The following PRKG1 variants were observed in gnomAD, a reference collection of about 807,000 sequenced individuals.
PRKG1 encodes the protein protein kinase cGMP-dependent 1, also known as cGMP-dependent protein kinase 1.
Under a neutral mutation model 88.1 loss-of-function variants are expected in PRKG1, and 35 were observed. The observed-to-expected ratio is 0.40, with a 90% CI of 0.30 to 0.53. PRKG1 has a LOEUF of 0.53. Ranked by LOEUF, PRKG1 falls within the 20% of genes least tolerant of loss-of-function variation. PRKG1 has a pLI of 0.59. For synonymous variants in PRKG1, 303 were observed against 292.5 expected (o/e 1.04, Z -0.37); for missense variants, 540 against 839.8 (o/e 0.64, Z 4.41).
At chr10:51,505,619 TA>T (rs1841176103) in intron 3 of PRKG1, among the ~76,000 whole-genome samples, 1 of 152,132 alleles carries the variant, frequency 6.6e-6, no homozygotes, top group Admixed American at 6.6e-5. Context: ...TTTTGGTTGG[TA>T]AGCTATTAAT....
At chr10:51,957,947 T>A (rs1843353231) in intron 5 of PRKG1, among the ~76,000 whole-genome samples, 1 of 152,166 alleles carries the variant, frequency 6.6e-6, no homozygotes, top group African/African-American at 2.4e-5. Context: ...AGATGCTCGG[T>A]TGAATGATGC....
chr10:51,039,769 C>G (rs1330771820), intron 1 of PRKG1, among the ~76,000 whole-genome samples: 1 of 152,054 alleles, frequency 6.6e-6, no homozygotes, highest in Non-Finnish European at 1.5e-5. Context: ...TGTGATTTTT[C>G]TATATGGTAA....
At chr10:52,191,633 C>T (rs774201104) in intron 9 of PRKG1, among the ~76,000 whole-genome samples, 23 of 152,094 alleles carry the variant, frequency 1.5e-4, no homozygotes, top group Non-Finnish European at 2.9e-4. Flanking sequence ...AAGAAGATTT[C>T]GTAGGAGGTT....
intron 1 of PRKG1, among the ~76,000 whole-genome samples, chr10:51,054,559 T>C (rs1843605019): frequency 1.3e-5 from 2 of 152,188 alleles, no homozygotes; most frequent in African/African-American, 2.4e-5. Context: ...ATTATAGTAA[T>C]TGTTATTATA....
At chr10:51,138,577 C>T (rs1845742194) in intron 1 of PRKG1, among the ~76,000 whole-genome samples, 1 of 150,672 alleles carries the variant, frequency 6.6e-6, no homozygotes, top group South Asian at 2.1e-4. Flanking sequence ...ATTCTTCTTA[C>T]TACAAATATG....
intron 1 of PRKG1, among the ~76,000 whole-genome samples, chr10:51,130,462 T>C (rs1845536562): frequency 6.6e-6 from 1 of 152,234 alleles, no homozygotes; most frequent in African/African-American, 2.4e-5. Flanking sequence ...TTCATCATTA[T>C]TTCTTGGTCT....
At chr10:51,899,675 A>G (rs1589402648) in intron 4 of PRKG1, among the ~76,000 whole-genome samples, 1 of 92,620 alleles carries the variant, frequency 1.1e-5, no homozygotes, top group South Asian at 5.2e-4. Flanking sequence ...AAAAATGTAT[A>G]TATATATATA....
At chr10:51,786,028 T>C (rs1838719020) in intron 3 of PRKG1, among the ~76,000 whole-genome samples, 1 of 152,168 alleles carries the variant, frequency 6.6e-6, no homozygotes, top group African/African-American at 2.4e-5. Flanking sequence ...GCATTAGTTA[T>C]GCCCAAGAAA....
chr10:52,260,178 A>G (rs1248145233), intron 10 of PRKG1, among the ~76,000 whole-genome samples: 2 of 152,018 alleles, frequency 1.3e-5, no homozygotes, highest in Non-Finnish European at 2.9e-5. Context: ...TTAAATTGTA[A>G]TAGCTTTAGG....
chr10:51,377,678 T>TA (rs916996150), intron 2 of PRKG1, among the ~76,000 whole-genome samples: 3 of 152,258 alleles, frequency 2.0e-5, no homozygotes, highest in Admixed American at 1.3e-4. Flanking sequence ...TGTTTTTCTT[T>TA]AAAAAAATAA....
At chr10:52,141,617 T>C (rs1208191266) in intron 8 of PRKG1, among the ~76,000 whole-genome samples, 1 of 152,172 alleles carries the variant, frequency 6.6e-6, no homozygotes, top group African/African-American at 2.4e-5. Context: ...CAATAATCTG[T>C]TAAGCCACAA....
intron 2 of PRKG1, among the ~76,000 whole-genome samples, chr10:51,432,593 C>T (rs1380450846): frequency 6.6e-6 from 1 of 152,142 alleles, no homozygotes; most frequent in African/African-American, 2.4e-5. Flanking sequence ...TGCAGCAGAT[C>T]ACCCAAGTGG....
chr10:51,580,667 T>A (rs1838007932), intron 3 of PRKG1, among the ~76,000 whole-genome samples: 1 of 152,094 alleles, frequency 6.6e-6, no homozygotes, highest in African/African-American at 2.4e-5. Context: ...AAAGAAAAGA[T>A]CAATTTGAGG....
intron 3 of PRKG1, among the ~76,000 whole-genome samples, chr10:51,581,516 C>T (rs766245362): frequency 2.2e-4 from 33 of 152,056 alleles, no homozygotes; most frequent in Admixed American, 3.3e-4. Flanking sequence ...CCACAAGGGT[C>T]GCATTCCATT....
intron 2 of PRKG1, among the ~76,000 whole-genome samples, chr10:51,197,342 G>T (rs1017041323): frequency 6.6e-6 from 1 of 151,824 alleles, no homozygotes; most frequent in East Asian, 1.9e-4. Flanking sequence ...ACATGATCTC[G>T]GCTCACCGCA....
At chr10:52,077,754 G>A (rs529623114) in intron 7 of PRKG1, among the ~76,000 whole-genome samples, 1 of 152,084 alleles carries the variant, frequency 6.6e-6, no homozygotes, top group South Asian at 2.1e-4. Context: ...TTCTGCAGTA[G>A]GTTTTACTAC....
At chr10:51,437,958 A>C (rs928917350) in intron 2 of PRKG1, among the ~76,000 whole-genome samples, 1 of 151,526 alleles carries the variant, frequency 6.6e-6, no homozygotes, top group Non-Finnish European at 1.5e-5. Context: ...AGGCTAAGAA[A>C]TCTTGCTCTA....
At chr10:51,570,098 T>A (rs1458194357) in intron 3 of PRKG1, among the ~76,000 whole-genome samples, 2 of 150,234 alleles carry the variant, frequency 1.3e-5, no homozygotes, top group African/African-American at 4.9e-5. Flanking sequence ...TGTATATATA[T>A]GATATAAGGA....
chr10:51,960,135 T>TTTA (rs879314808), intron 5 of PRKG1, among the ~76,000 whole-genome samples: 1 of 150,584 alleles, frequency 6.6e-6, no homozygotes, highest in Non-Finnish European at 1.5e-5. Context: ...TTTTTTTTTT[T>TTTA]AAGCCAAACC....
Sources: gnomAD v4.1 joint callset for allele counts (sites outside exome capture counted in the v4.1 genomes callset) on GRCh38, gnomAD v4.1.1 for gene constraint, MANE v1.5 for transcripts, NCBI Gene and HGNC (gene_info 2026-07-23, HGNC 2026-07-21) for gene names.